The following CEBPZ variants were observed in gnomAD, a reference collection of about 807,000 sequenced individuals.
CEBPZ encodes the protein CCAAT/enhancer-binding protein zeta.
Under a neutral mutation model 104.5 loss-of-function variants are expected in CEBPZ, and 78 were observed. The ratio of observed to expected loss-of-function variants is 0.75; its 90% confidence interval spans 0.62 to 0.90. CEBPZ has a LOEUF of 0.90. Among genes scored for constraint, CEBPZ ranks in the 40% least tolerant of loss-of-function variants. The pLI is 0.00. For synonymous variants in CEBPZ, 470 were observed against 427.0 expected, an observed-to-expected ratio of 1.10 and a Z score of -1.24; for missense variants, 1,439 against 1,233.5, an observed-to-expected ratio of 1.17 and a Z score of -2.50.
At chr2:37,213,374 A>T (rs114791696) in intron 10 of CEBPZ, 2,177 of 152,966 alleles carry the variant, frequency 0.014, 43 homozygotes, top group African/African-American at 0.05. Context: ...TTCTGGTGCA[A>T]ATGTGGGTGA....
chr2:37,202,920 T>C (rs1277352766), intron 14 of CEBPZ, 30 bp downstream of exon 14: 3 of 1,593,632 alleles, frequency 1.9e-6, no homozygotes, highest in Non-Finnish European at 2.6e-6. Context: ...GTAGAATAGC[T>C]AGCTTGTTAA....
chr2:37,231,486 C>T lies in CEBPZ; in HGVS notation c.82G>A (p.Glu28Lys), dbSNP rs746531429. The T allele has an allele frequency of 1.5e-5, 24 of 1,614,136 alleles. No individual in the cohort carries two copies. Among genetic ancestry groups the T allele is most frequent in the East Asian group, 8.9e-5 (4 of 44,900 alleles). The change falls in exon 1 of 16, where the codon GAG becomes AAG. Residue 28 changes from glutamate (E) to lysine (K), a missense_variant. By Grantham distance (56) the Glu-to-Lys change is moderately conservative. Coordinates refer to ENST00000234170, the MANE Select transcript of CEBPZ (RefSeq NM_005760.3). ...GCTTCACTAGTATTATCCTCATCCT[C>T]CTCGTCCGGATCTTCTACTGCCTCC... ...PEEAVEDPDE[E>K]DEDNTSEAEN...
chr2:37,221,162 C>T (rs2465484), intron 4 of CEBPZ, among the ~76,000 whole-genome samples: 148,973 of 152,152 alleles, frequency 0.98, 72,953 homozygotes, highest in East Asian at 1. Context: ...CTACAAAAAA[C>T]ACAACTAGCC....
chr2:37,206,513 A>C (rs1677545029), intron 13 of CEBPZ, among the ~76,000 whole-genome samples: 1 of 152,146 alleles, frequency 6.6e-6, no homozygotes, highest in African/African-American at 2.4e-5. Context: ...GCTTACCAAC[A>C]TGCCCAGCTA....
chr2:37,211,429 A>T (rs925665623), intron 12 of CEBPZ: 1 of 235,446 alleles, frequency 4.2e-6, no homozygotes, highest in African/African-American at 2.2e-5. Context: ...GAAAGGACAG[A>T]AAGGTCAGAC....
intron 13 of CEBPZ, among the ~76,000 whole-genome samples, chr2:37,206,705 C>T (rs1012868379): frequency 3.3e-5 from 5 of 152,198 alleles, no homozygotes; most frequent in Admixed American, 6.5e-5. Context: ...CAAAATAGAG[C>T]CTTCTTAAAA....
intron 6 of CEBPZ, 91 bp downstream of exon 6, chr2:37,216,893 T>C: frequency 9.6e-7 from 1 of 1,040,344 alleles, no homozygotes; most frequent in Non-Finnish European, 1.5e-6. Flanking sequence ...AGATTCTCTC[T>C]GTTAGAGAAA....
Position 37,222,484 on chromosome 2 carries a change from GTTTC to G in CEBPZ, c.1957_1960del (p.Glu653GlnfsTer3). On this transcript the variant is annotated frameshift_variant, in exon 4 of 16. Coordinates refer to ENST00000234170, the MANE Select transcript of CEBPZ (RefSeq NM_005760.3). LOFTEE classifies it high-confidence loss of function. ...TGTCTCAAGTTTTTTCACTATCTCT[GTTTC>G]TTTGTCTGCATCAGTGAATTTTTCC... The G allele has an allele frequency of 6.2e-7, 1 of 1,610,602 alleles. No individual in the cohort carries two copies.
At chr2:37,207,116 T>C (rs1558467983) in intron 13 of CEBPZ, among the ~76,000 whole-genome samples, 1 of 152,154 alleles carries the variant, frequency 6.6e-6, no homozygotes, top group South Asian at 2.1e-4. Flanking sequence ...ATCCAAAATA[T>C]ATATGCACCT....
At chr2:37,208,383 CA>C (rs1336298745) in intron 13 of CEBPZ, among the ~76,000 whole-genome samples, 1 of 152,080 alleles carries the variant, frequency 6.6e-6, no homozygotes, top group East Asian at 1.9e-4. Flanking sequence ...CACACAGATG[CA>C]AAAACCCTCA....
At chr2:37,227,480 C>T (rs1256066455) in intron 2 of CEBPZ, 64 bp downstream of exon 2, 2 of 1,482,230 alleles carry the variant, frequency 1.3e-6, no homozygotes, top group East Asian at 4.6e-5. Flanking sequence ...ACAGAGGGCA[C>T]TGCTTGTGCT....
In CEBPZ at chr2:37,202,769, A is replaced by G; in HGVS notation, c.3025+15T>C. 1.3e-6 allele frequency: 2 copies of G among 1,502,660 alleles called. No individual in the cohort carries two copies. The highest frequency in any genetic ancestry group is 1.8e-6 in the Non-Finnish European group (2 of 1,116,696). 93.1% of individuals were successfully genotyped at this position (1,502,660 alleles called of 1,614,324 possible). ...CTATTTTTAAAACATCAATAAAAAA[A>G]TTTAAGTTACTTACTTGCATTATCT... On this transcript the variant is annotated intron_variant, in intron 15 of 15. Transcript: ENST00000234170.
chr2:37,215,702 G>A (rs1677850777), intron 8 of CEBPZ, among the ~76,000 whole-genome samples: 1 of 152,098 alleles, frequency 6.6e-6, no homozygotes, highest in Non-Finnish European at 1.5e-5. Flanking sequence ...TATAGAAGTA[G>A]GTTATTAAGT....
intron 13 of CEBPZ, chr2:37,210,164 C>G (rs905764834): frequency 3.3e-5 from 5 of 152,130 alleles, no homozygotes; most frequent in Non-Finnish European, 7.4e-5. Context: ...GGGAACACTT[C>G]TACATTGCTG....
chr2:37,216,454 A>C, intron 6 of CEBPZ, 36 bp from the exon 7 acceptor site: 1 of 1,410,492 alleles, frequency 7.1e-7, no homozygotes, highest in South Asian at 1.2e-5. Flanking sequence ...AACTTAATTC[A>C]AATTATGTCT....
intron 4 of CEBPZ, among the ~76,000 whole-genome samples, chr2:37,221,292 C>T (rs1303715207): frequency 2.6e-5 from 4 of 152,044 alleles, no homozygotes; most frequent in Admixed American, 1.3e-4. Context: ...TCCAGCCTGG[C>T]CTGGGTGACA....
In CEBPZ at chr2:37,228,943, A is replaced by C; in HGVS notation, c.250T>G (p.Leu84Val). Reference sequence around the variant, plus strand: ...TTAAGATTTTGAATAAATGCTTCCAATTCACCTTGCTGAAGGTCATCGATT... The same window carrying C: ...TTAAGATTTTGAATAAATGCTTCCACTTCACCTTGCTGAAGGTCATCGATT... Reference protein sequence around the residue: ...GAIDDLQQGELEAFIQNLNLA... With the variant: ...GAIDDLQQGEVEAFIQNLNLA... The change falls in exon 2 of 16, where the codon TTG becomes GTG. Residue 84 changes from leucine to valine, a missense_variant. Physicochemically the swap from Leu to Val is conservative, Grantham distance 32. Transcript: ENST00000234170. The C allele has an allele frequency of 6.2e-7, 1 of 1,611,226 alleles. No homozygotes were observed. The highest frequency in any genetic ancestry group is 8.5e-7 in the Non-Finnish European group (1 of 1,179,066).
intron 3 of CEBPZ, among the ~76,000 whole-genome samples, chr2:37,222,952 T>G (rs1181457023): frequency 1.3e-5 from 2 of 152,202 alleles, no homozygotes; most frequent in African/African-American, 4.8e-5. Context: ...AATGGTAGCT[T>G]CTAGTATAGT....
At chr2:37,203,180 A>G in intron 13 of CEBPZ, 172 bp from the exon 14 acceptor site, 1 of 453,788 alleles carries the variant, frequency 2.2e-6, no homozygotes, top group Non-Finnish European at 3.9e-6. Context: ...TTAGTATATA[A>G]TATTTTCAAA....
Sources: gnomAD v4.1 joint callset for allele counts (sites outside exome capture counted in the v4.1 genomes callset) on GRCh38, gnomAD v4.1.1 for gene constraint, MANE v1.5 for transcripts, NCBI Gene and HGNC (gene_info 2026-07-23, HGNC 2026-07-21) for gene names.